FMN2: variants seen among roughly 807,000 people sequenced by gnomAD.
The protein encoded by FMN2 is formin-2.
Under a neutral mutation model 142.3 loss-of-function variants are expected in FMN2, and 51 were observed. The observed-to-expected ratio is 0.36, with a 90% CI of 0.29 to 0.45. The LOEUF is 0.45. Among genes scored for constraint, FMN2 ranks in the 20% least tolerant of loss-of-function variants. The probability of loss-of-function intolerance (pLI) is 1.00; values close to 1 mark genes in which losing one functional copy is unlikely to be tolerated. For missense variants in FMN2, 1,936 were observed against 2,122.8 expected, an observed-to-expected ratio of 0.91 and a Z score of 1.73; for synonymous variants, 882 against 869.8, an observed-to-expected ratio of 1.01 and a Z score of -0.25.
chr1:240,182,002 A>G (rs1207631641), intron 3 of FMN2, among the ~76,000 whole-genome samples: 2 of 152,170 alleles, frequency 1.3e-5, no homozygotes, highest in Non-Finnish European at 2.9e-5. Context: ...TCAGAATTTC[A>G]AGACTTTCTG....
chr1:240,268,141 T>C (rs533295239), intron 7 of FMN2, among the ~76,000 whole-genome samples: 1 of 152,176 alleles, frequency 6.6e-6, no homozygotes, highest in South Asian at 2.1e-4. Flanking sequence ...ACTGGGTATA[T>C]ATCTAAAAGG....
chr1:240,228,675 T>G (rs1430673625), intron 6 of FMN2, among the ~76,000 whole-genome samples: 1 of 152,160 alleles, frequency 6.6e-6, no homozygotes, highest in Non-Finnish European at 1.5e-5. Flanking sequence ...GTATTTTTTA[T>G]GAGAAGGTAA....
rs544275775 is a variant in FMN2, at chr1:240,217,679, C to T, written c.4065+6444C>T. Among the ~76,000 whole-genome samples the T allele has an allele frequency of 1.0e-3, 159 of 151,548 alleles. 1 individual carries two copies. The highest frequency in any genetic ancestry group is 1.9e-3 in the Non-Finnish European group (131 of 67,878). The stretch of plus-strand genomic sequence containing the variant: ...AAGATTTATTTTTTTTTTGAAGATG[C>T]TATTCCTATAACTATTTGTAGAGCA... On this transcript the variant is annotated intron_variant, in intron 6 of 17. Transcript: ENST00000319653.
chr1:240,277,525 CTTTTTTTTTTTT>C (rs34678861), intron 7 of FMN2, among the ~76,000 whole-genome samples: 2 of 66,144 alleles, frequency 3.0e-5, no homozygotes, highest in Admixed American at 2.5e-4. Flanking sequence ...GCATCTTCTT[CTTTTTTTTTTTT>C]TTTTTTTTTT....
intron 16 of FMN2, among the ~76,000 whole-genome samples, chr1:240,441,711 T>C (rs1489438405): frequency 6.6e-6 from 1 of 151,616 alleles, no homozygotes; most frequent in Non-Finnish European, 1.5e-5. Flanking sequence ...GGTCCTCATA[T>C]GGGATTAGTG....
chr1:240,415,694 A>G (rs1342216923), intron 15 of FMN2, among the ~76,000 whole-genome samples: 1 of 152,200 alleles, frequency 6.6e-6, no homozygotes, highest in Non-Finnish European at 1.5e-5. Context: ...GTCATAATAC[A>G]CCTAGAAGGT....
intron 7 of FMN2, among the ~76,000 whole-genome samples, chr1:240,280,814 A>G (rs1185050213): frequency 6.6e-6 from 1 of 152,136 alleles, no homozygotes; most frequent in Non-Finnish European, 1.5e-5. Flanking sequence ...GTCACCTGCC[A>G]AAGTCAAATA....
chr1:240,437,492 C>T lies in FMN2; in HGVS notation c.4911-569C>T, dbSNP rs576817685. Among the ~76,000 whole-genome samples, 102 of 151,866 alleles carry T rather than the reference C, an allele frequency of 6.7e-4. 1 individual carries two copies. The highest frequency in any genetic ancestry group is 1.7e-3 in the African/African-American group (70 of 41,418). ...TTTTTCTTTGTAATTTTAGTAGAGA[C>T]AGGGTTTCACCGTGTTAGCCAGGAT... On this transcript the variant is annotated intron_variant, in intron 15 of 17. Coordinates refer to ENST00000319653, the MANE Select transcript of FMN2 (RefSeq NM_020066.5).
chr1:240,184,473 C>T (rs1166995197), intron 3 of FMN2, among the ~76,000 whole-genome samples: 5 of 150,042 alleles, frequency 3.3e-5, no homozygotes, highest in East Asian at 2.0e-4. Flanking sequence ...GCCTCGGCCT[C>T]CCGAAGTGCT....
intron 7 of FMN2, among the ~76,000 whole-genome samples, chr1:240,274,493 G>C (rs200046369): frequency 2.0e-5 from 3 of 152,078 alleles, no homozygotes; most frequent in East Asian, 3.9e-4. Flanking sequence ...TGGGGTCTGC[G>C]GGGGAGGGAG....
rs769498638 is a variant in FMN2 at position 240,092,532 on chromosome 1, G to A, written c.423G>A (p.Val141=). ...CCGAGTGTGCGGACCCTTTTGAGGT[G>A]ACCGGTCCAGGGGGTCCTGGGCCTG... The part of the protein sequence containing the change: ...SDTECADPFE[V]TGPGGPGPAE... Residue 141 remains valine (V), a synonymous_variant, in exon 1 of 18, where the codon GTG becomes GTA. Transcript: ENST00000319653. 6.2e-7 allele frequency: 1 copy of A among 1,610,804 alleles called. No individual in the cohort carries two copies. The highest frequency in any genetic ancestry group is 1.7e-5 in the Admixed American group (1 of 59,500).
At chr1:240,272,569 C>T (rs574568415) in intron 7 of FMN2, among the ~76,000 whole-genome samples, 2 of 152,264 alleles carry the variant, frequency 1.3e-5, no homozygotes, top group African/African-American at 4.8e-5. Flanking sequence ...CCACCTTTAT[C>T]CAGTTGGATG....
At chr1:240,386,904 G>A (rs1019287392) in intron 14 of FMN2, among the ~76,000 whole-genome samples, 4 of 152,200 alleles carry the variant, frequency 2.6e-5, no homozygotes, top group Non-Finnish European at 5.9e-5. Flanking sequence ...AATAAATAAA[G>A]GCTGCCTCCT....
intron 15 of FMN2, among the ~76,000 whole-genome samples, chr1:240,402,656 C>T (rs1333054286): frequency 6.6e-6 from 1 of 152,202 alleles, no homozygotes; most frequent in Non-Finnish European, 1.5e-5. Flanking sequence ...TTTTAATTAG[C>T]ATACACGGCT....
intron 13 of FMN2, among the ~76,000 whole-genome samples, chr1:240,353,950 T>C (rs758415196): frequency 2.6e-5 from 4 of 152,070 alleles, no homozygotes; most frequent in Non-Finnish European, 5.9e-5. Context: ...ATCTGGAGAT[T>C]AACATTTGCA....
At chr1:240,357,607 C>CA (rs1322114438) in intron 14 of FMN2, among the ~76,000 whole-genome samples, 1 of 140,252 alleles carries the variant, frequency 7.1e-6, no homozygotes, top group Non-Finnish European at 1.5e-5. Context: ...AACAACCTTA[C>CA]GGGTTTTTTT....
intron 14 of FMN2, among the ~76,000 whole-genome samples, chr1:240,377,400 G>A (rs757193504): frequency 5.3e-5 from 8 of 151,226 alleles, no homozygotes; most frequent in African/African-American, 1.5e-4. Context: ...TTAGTTTTCC[G>A]TTAGTGCTGT....
At chr1:240,402,619 T>G (rs937655924) in intron 15 of FMN2, among the ~76,000 whole-genome samples, 1 of 152,272 alleles carries the variant, frequency 6.6e-6, no homozygotes, top group Non-Finnish European at 1.5e-5. Context: ...TTGTGTGTGT[T>G]TATGTCAGCT....
intron 2 of FMN2, among the ~76,000 whole-genome samples, chr1:240,134,229 G>A (rs1220250233): frequency 6.6e-6 from 1 of 152,212 alleles, no homozygotes; most frequent in African/African-American, 2.4e-5. Flanking sequence ...GAAGAGAGCT[G>A]TAGGAAAGCC....
Sources: gnomAD v4.1 joint callset for allele counts (sites outside exome capture counted in the v4.1 genomes callset) on GRCh38, gnomAD v4.1.1 for gene constraint, MANE v1.5 for transcripts, NCBI Gene and HGNC (gene_info 2026-07-23, HGNC 2026-07-21) for gene names.